COPS4: variants seen among roughly 807,000 people sequenced by gnomAD.
COPS4 encodes the protein COP9 signalosome complex subunit 4.
A neutral mutation model predicts 55.1 loss-of-function variants in COPS4; 8 were observed. That is an observed-to-expected ratio of 0.15 (90% CI 0.09 to 0.26). COPS4 has a LOEUF of 0.26. Among genes scored for constraint, COPS4 ranks in the 10% least tolerant of loss-of-function variants. The pLI is 1.00. For synonymous variants in COPS4, 185 were observed against 165.7 expected (o/e 1.12, Z -0.90); for missense variants, 248 against 484.0 (o/e 0.51, Z 4.58).
intron 1 of COPS4, among the ~76,000 whole-genome samples, chr4:83,042,327 C>A (rs1316841756): frequency 6.6e-6 from 1 of 152,018 alleles, no homozygotes; most frequent in African/African-American, 2.4e-5. Context: ...TCAATTAACA[C>A]CTTGGGGTGA....
rs1475160230 is a variant in COPS4, at chr4:83,073,363, G to T, written c.1088-1934G>T. The T allele has an allele frequency of 9.7e-6, 6 of 618,274 alleles. No homozygotes were observed. In the African/African-American group the frequency reaches 1.1e-4, roughly 11 times the overall value. The allele number at this position is 618,274 out of a possible 1,614,324, so 38.3% of individuals were successfully genotyped here. A position where few individuals can be genotyped will look rare whatever the true frequency, so the allele number is the denominator to read the frequency against. Reference sequence around the variant, plus strand: ...ATCCATGTCATGGCAGGTAATCAGTGCTTCATTCATTTTTATAGCCGAATA... The same window carrying T: ...ATCCATGTCATGGCAGGTAATCAGTTCTTCATTCATTTTTATAGCCGAATA... On this transcript the variant is annotated intron_variant, in intron 9 of 9. Coordinates refer to ENST00000264389, the MANE Select transcript of COPS4 (RefSeq NM_016129.3).
chr4:83,042,897 G>A (rs935644058), intron 1 of COPS4, among the ~76,000 whole-genome samples: 9 of 151,370 alleles, frequency 5.9e-5, no homozygotes, highest in African/African-American at 2.2e-4. Flanking sequence ...GAGCCACCAC[G>A]CCCAACCAAT....
Position 83,063,207 on chromosome 4 carries a change from G to C in COPS4, c.847G>C (p.Ala283Pro). The C allele has an allele frequency of 6.2e-7, 1 of 1,613,316 alleles. No individual in the cohort carries two copies. Among genetic ancestry groups the C allele is most frequent in the Non-Finnish European group, 8.5e-7 (1 of 1,179,764 alleles). Reference sequence around the variant, plus strand: ...AGGAAATCAACTTCAAGAATTTGCTGCCATGCTGATGCCTCACCAAAAAGC... The same window carrying C: ...AGGAAATCAACTTCAAGAATTTGCTCCCATGCTGATGCCTCACCAAAAAGC... ...IRGNQLQEFA[A>P]MLMPHQKATT... is the part of the protein sequence containing the mutation. Residue 283 changes from alanine (A) to proline (P), a missense_variant, in exon 7 of 10, where the codon GCC becomes CCC. By Grantham distance (27) the Ala-to-Pro change is conservative (BLOSUM62 -1). Around this residue, in one of 4 missense-constraint regions of COPS4, gnomAD observed 155 missense variants for 326.6 expected, o/e 0.47. Transcript: ENST00000264389.
At chr4:83,073,891 A>G (rs1206407729) in intron 9 of COPS4, among the ~76,000 whole-genome samples, 2 of 151,152 alleles carry the variant, frequency 1.3e-5, no homozygotes, top group East Asian at 3.9e-4. Context: ...TGGGAGGTGG[A>G]GGTTGCAGTG....
intron 2 of COPS4, among the ~76,000 whole-genome samples, chr4:83,047,279 T>C (rs1364752391): frequency 6.6e-6 from 1 of 152,214 alleles, no homozygotes; most frequent in Non-Finnish European, 1.5e-5. Context: ...CTCATGCCTG[T>C]AATCCCAACA....
chr4:83,050,116 T>C (rs1441933629), intron 4 of COPS4, 132 bp downstream of exon 4: 6 of 566,482 alleles, frequency 1.1e-5, no homozygotes, highest in South Asian at 5.1e-5. Context: ...TGTTAGAAGG[T>C]GATAAGTGCT....
chr4:83,075,032 G>T (rs777641014), intron 9 of COPS4, among the ~76,000 whole-genome samples: 1 of 151,848 alleles, frequency 6.6e-6, no homozygotes, highest in African/African-American at 2.4e-5. Context: ...CAGGAGAATC[G>T]CTTGAACTCA....
intron 1 of COPS4, among the ~76,000 whole-genome samples, chr4:83,039,157 C>T (rs778879071): frequency 1.3e-5 from 2 of 152,102 alleles, no homozygotes; most frequent in Non-Finnish European, 2.9e-5. Flanking sequence ...TTCTGCTCCA[C>T]GTGGTCTTGG....
intron 4 of COPS4, among the ~76,000 whole-genome samples, chr4:83,054,450 A>G (rs1332252628): frequency 6.6e-6 from 1 of 152,230 alleles, no homozygotes; most frequent in Admixed American, 6.5e-5. Context: ...TATTTGCAAT[A>G]GTGAGGCAGA....
intron 9 of COPS4, among the ~76,000 whole-genome samples, chr4:83,070,652 TACTATTATAACCTCTTCAGGTGTTG>T: frequency 2.0e-5 from 3 of 152,214 alleles, no homozygotes; most frequent in Non-Finnish European, 4.4e-5. Flanking sequence ...TTCTGAACCC[TACTATTATAACCTCTTCAGGTGTTG>T]AGAAATAACC....
intron 9 of COPS4, among the ~76,000 whole-genome samples, chr4:83,069,277 C>G (rs1441045551): frequency 6.6e-6 from 1 of 152,156 alleles, no homozygotes; most frequent in African/African-American, 2.4e-5. Flanking sequence ...TTTCCACTTG[C>G]AAAATTTTTA....
At chr4:83,052,424 T>C (rs1048115685) in intron 4 of COPS4, among the ~76,000 whole-genome samples, 4 of 152,164 alleles carry the variant, frequency 2.6e-5, no homozygotes, top group African/African-American at 7.2e-5. Flanking sequence ...TTCGGCTAGA[T>C]ACTTTGTTGT....
chr4:83,047,343 C>T (rs1201354525), intron 2 of COPS4, among the ~76,000 whole-genome samples: 1 of 152,108 alleles, frequency 6.6e-6, no homozygotes, highest in East Asian at 1.9e-4. Flanking sequence ...CACTTGAGCT[C>T]AGGAGTTCAA....
chr4:83,055,467 G>A (rs1314752400), intron 4 of COPS4, among the ~76,000 whole-genome samples: 2 of 148,680 alleles, frequency 1.3e-5, no homozygotes, highest in African/African-American at 2.5e-5. Context: ...TTTTTGAGAT[G>A]GAGTCTCACT....
rs542500344 is a variant in COPS4 at position 83,062,244 on chromosome 4, G to A, written c.716-832G>A. ...AATTTTTATTAACGAAATAATTAATGTTTATTGTAGAAGTACAAATAAGAA... is the reference window on the plus strand; with the variant it reads ...AATTTTTATTAACGAAATAATTAATATTTATTGTAGAAGTACAAATAAGAA... On this transcript the variant is annotated intron_variant, in intron 6 of 9. Transcript: ENST00000264389. Among the ~76,000 whole-genome samples the A allele has an allele frequency of 2.0e-5, 3 of 152,150 alleles. No homozygotes were observed. In the East Asian group the frequency reaches 5.8e-4, roughly 29 times the overall value.
At chr4:83,047,873 T>C (rs1578707250) in intron 2 of COPS4, among the ~76,000 whole-genome samples, 1 of 151,792 alleles carries the variant, frequency 6.6e-6, no homozygotes, top group African/African-American at 2.4e-5. Flanking sequence ...TGGTGGCGGG[T>C]GCCTGTAGTC....
chr4:83,075,573 G>A lies in COPS4; in HGVS notation c.*143G>A. On this transcript the variant is annotated 3_prime_UTR_variant, in exon 10 of 10. Coordinates refer to ENST00000264389, the MANE Select transcript of COPS4 (RefSeq NM_016129.3). ...TCCGTTTAAAGAAGACATTATTAGAGCAGGAAGTACAAGCATTTAAAATAT... is the reference window on the plus strand; with the variant it reads ...TCCGTTTAAAGAAGACATTATTAGAACAGGAAGTACAAGCATTTAAAATAT... 1.2e-6 allele frequency: 1 copy of A among 852,752 alleles called. No individual in the cohort carries two copies. 52.8% of individuals were successfully genotyped at this position (852,752 alleles called of 1,614,324 possible).
chr4:83,063,836 A>G (rs1244807579), intron 7 of COPS4, among the ~76,000 whole-genome samples: 2 of 151,924 alleles, frequency 1.3e-5, no homozygotes, highest in African/African-American at 2.4e-5. Flanking sequence ...CAGCCTCCCA[A>G]GTAGCTGGGA....
chr4:83,061,581 C>T (rs1001546187), intron 6 of COPS4, among the ~76,000 whole-genome samples: 3 of 152,068 alleles, frequency 2.0e-5, no homozygotes, highest in African/African-American at 7.2e-5. Flanking sequence ...TTATTGGCTG[C>T]TAGGAATAGA....
Sources: allele counts gnomAD v4.1 joint callset (sites outside exome capture counted in the v4.1 genomes callset), GRCh38; gene constraint gnomAD v4.1.1; regional missense constraint gnomAD v4.1.1; transcripts MANE v1.5; gene names NCBI Gene and HGNC (gene_info 2026-07-23, HGNC 2026-07-21).